The following UBE2D3 variants were observed in gnomAD, a reference collection of about 807,000 sequenced individuals.
The protein encoded by UBE2D3 is ubiquitin conjugating enzyme E2 D3, also known as ubiquitin-conjugating enzyme E2 D3.
Under a neutral mutation model 22.8 loss-of-function variants are expected in UBE2D3, and 2 were observed. The observed-to-expected ratio is 0.09, with a 90% CI of 0.04 to 0.28. The LOEUF (loss-of-function observed/expected upper bound fraction) is 0.28, where lower values mean the gene tolerates loss of function less well. Ranked by LOEUF, UBE2D3 falls within the 10% of genes least tolerant of loss-of-function variation. The pLI is 1.00. For synonymous variants in UBE2D3, 56 were observed against 60.4 expected (o/e 0.93, Z 0.34); for missense variants, 27 against 182.5 (o/e 0.15, Z 4.91).
intron 1 of UBE2D3, among the ~76,000 whole-genome samples, chr4:102,866,866 G>A (rs1578305220): frequency 6.6e-6 from 1 of 151,944 alleles, no homozygotes; most frequent in East Asian, 1.9e-4. Context: ...GTATCTAGTT[G>A]TACCCAAGGG....
intron 2 of UBE2D3, 81 bp downstream of exon 2, chr4:102,826,404 T>G: frequency 6.4e-7 from 1 of 1,558,314 alleles, no homozygotes; most frequent in Non-Finnish European, 8.8e-7. Flanking sequence ...GAATTATGCT[T>G]CCTTCCCACC....
chr4:102,843,714 T>TA (rs1319055135), intron 1 of UBE2D3: 1 of 152,228 alleles, frequency 6.6e-6, no homozygotes, highest in Non-Finnish European at 1.5e-5. Flanking sequence ...TTGCACCTTC[T>TA]AGCATGCATA....
chr4:102,827,683 C>T (rs1039745843), upstream of UBE2D3: 5 of 985,700 alleles, frequency 5.1e-6, no homozygotes, highest in African/African-American at 1.8e-5. Flanking sequence ...TTCCCACGTC[C>T]GGGGCCGAGT....
chr4:102,808,196 G>A (rs982647491), intron 4 of UBE2D3, among the ~76,000 whole-genome samples: 1 of 152,114 alleles, frequency 6.6e-6, no homozygotes, highest in South Asian at 2.1e-4. Flanking sequence ...TCTAAAAAAG[G>A]GAGGCAGCTG....
chr4:102,808,471 G>A (rs1727414357), intron 4 of UBE2D3, among the ~76,000 whole-genome samples: 1 of 152,112 alleles, frequency 6.6e-6, no homozygotes, highest in Non-Finnish European at 1.5e-5. Context: ...AATGATCCAG[G>A]ACGTTTCAAA....
chr4:102,851,511 G>A (rs930193344), intron 1 of UBE2D3, among the ~76,000 whole-genome samples: 13 of 152,206 alleles, frequency 8.5e-5, no homozygotes, highest in African/African-American at 2.4e-4. Flanking sequence ...CATGTGTAAT[G>A]CAGAAGTAGA....
rs1442348902 is a variant in UBE2D3 at position 102,821,084 on chromosome 4, G to T, written c.24+5401C>A. ...TCTGAATAAATCTTATCTAATAAGA[G>T]AAACTGGGCAGTAAGATATTTGGTG... is the stretch of plus-strand genomic sequence containing the variant. On this transcript the variant is annotated intron_variant, in intron 2 of 7. Transcript: ENST00000453744. Among the ~76,000 whole-genome samples the T allele has an allele frequency of 1.3e-5, 2 of 152,096 alleles. 1 individual carries two copies. Among genetic ancestry groups the T allele is most frequent in the Admixed American group, 1.3e-4 (2 of 15,282 alleles).
At chr4:102,832,988 C>T (rs1398170569) in intron 1 of UBE2D3, among the ~76,000 whole-genome samples, 2 of 135,640 alleles carry the variant, frequency 1.5e-5, no homozygotes, top group Non-Finnish European at 1.5e-5. Flanking sequence ...CAGAGTGAGA[C>T]CCTGTCTCTC....
chr4:102,835,357 T>C (rs1731336379), intron 1 of UBE2D3, among the ~76,000 whole-genome samples: 1 of 152,242 alleles, frequency 6.6e-6, no homozygotes, highest in African/African-American at 2.4e-5. Flanking sequence ...TATGCAAATA[T>C]TATGGCATTT....
At position 102,797,357 on chromosome 4, in the gene UBE2D3, A is replaced by G; in HGVS notation, c.*58T>C. The G allele has an allele frequency of 1.3e-5, 19 of 1,423,424 alleles. No homozygotes were observed. The highest frequency in any genetic ancestry group is 1.6e-5 in the Non-Finnish European group (17 of 1,037,386). The allele number at this position is 1,423,424 out of a possible 1,614,324, so 88.2% of individuals were successfully genotyped here. A position where few individuals can be genotyped will look rare whatever the true frequency, so the allele number is the denominator to read the frequency against. On this transcript the variant is annotated 3_prime_UTR_variant, in exon 8 of 8. Coordinates refer to ENST00000453744, the MANE Select transcript of UBE2D3 (RefSeq NM_181891.3). ...GCCGGATAAGAAAATCAAAAAAGGA[A>G]CAGTAATTTAAAGTTTATTCCAGCT...
At chr4:102,808,584 C>A (rs966132650) in intron 4 of UBE2D3, among the ~76,000 whole-genome samples, 1 of 152,128 alleles carries the variant, frequency 6.6e-6, no homozygotes, top group Non-Finnish European at 1.5e-5. Flanking sequence ...ATCCTCCCTG[C>A]TTCAATTTCC....
chr4:102,810,013 G>A, intron 2 of UBE2D3, 158 bp from the exon 3 acceptor site: 3 of 668,966 alleles, frequency 4.5e-6, no homozygotes, highest in Middle Eastern at 4.2e-4. Context: ...GAACATGCCT[G>A]AACATATGCT....
chr4:102,863,668 A>G (rs552841730), intron 1 of UBE2D3, among the ~76,000 whole-genome samples: 2 of 151,676 alleles, frequency 1.3e-5, no homozygotes, highest in African/African-American at 2.4e-5. Context: ...TAATTTTTGT[A>G]TTTTTAGTAG....
At chr4:102,828,039 C>T (rs944118282), upstream of UBE2D3, 8 of 985,350 alleles carry the variant, frequency 8.1e-6, no homozygotes, top group Admixed American at 6.1e-5. Context: ...TGCGCTTTTC[C>T]TGACGGGGTT....
chr4:102,832,880 C>T lies in UBE2D3; in HGVS notation c.-128-6244G>A, dbSNP rs544882606. Among the ~76,000 whole-genome samples the T allele has an allele frequency of 5.9e-5, 9 of 152,036 alleles. No individual in the cohort carries two copies. In the South Asian group the frequency reaches 1.9e-3, roughly 32 times the overall value. On this transcript the variant is annotated intron_variant, in intron 1 of 7. Transcript: ENST00000338145. Reference sequence around the variant, plus strand: ...AGGCATAGTGGCATGTGCCTGTGGTCCCAGCTGCTCTGGAAGCTGAGGTGG... The same window carrying T: ...AGGCATAGTGGCATGTGCCTGTGGTTCCAGCTGCTCTGGAAGCTGAGGTGG...
intron 6 of UBE2D3, among the ~76,000 whole-genome samples, chr4:102,799,917 T>TA (rs1725876675): frequency 6.6e-6 from 1 of 151,832 alleles, no homozygotes; most frequent in Non-Finnish European, 1.5e-5. Flanking sequence ...AATCCATTCT[T>TA]AGCCGTTGTC....
At chr4:102,802,447 G>A in intron 5 of UBE2D3, 114 bp downstream of exon 5, 3 of 757,208 alleles carry the variant, frequency 4.0e-6, no homozygotes, top group Non-Finnish European at 6.1e-6. Context: ...CTATACATGA[G>A]TGCAATTCAA....
intron 2 of UBE2D3, among the ~76,000 whole-genome samples, chr4:102,821,285 T>TA (rs1232294732): frequency 3.3e-5 from 5 of 152,076 alleles, no homozygotes; most frequent in Admixed American, 2.0e-4. Flanking sequence ...GTACAAAAAA[T>TA]ACAGTATAGA....
At chr4:102,839,242 A>G (rs747113157) in intron 1 of UBE2D3, among the ~76,000 whole-genome samples, 8 of 151,902 alleles carry the variant, frequency 5.3e-5, no homozygotes, top group Non-Finnish European at 1.0e-4. Context: ...ATGTAAAAGA[A>G]AGAAATATAT....
Sources: gnomAD v4.1 joint callset for allele counts (sites outside exome capture counted in the v4.1 genomes callset) on GRCh38, gnomAD v4.1.1 for gene constraint, MANE v1.5 for transcripts, NCBI Gene and HGNC (gene_info 2026-07-23, HGNC 2026-07-21) for gene names.